DNER: variants seen among roughly 807,000 people sequenced by gnomAD.
DNER encodes the protein delta/notch like EGF repeat containing, also known as delta and Notch-like epidermal growth factor-related receptor.
Under a neutral mutation model 78.2 loss-of-function variants are expected in DNER, and 33 were observed. The observed-to-expected ratio is 0.42, with a 90% CI of 0.32 to 0.56. The LOEUF is 0.56. DNER is among the 20% of genes least tolerant of loss of function. DNER has a pLI of 0.11. For synonymous variants in DNER, 417 were observed against 384.8 expected (o/e 1.08, Z -0.98); for missense variants, 918 against 975.3 (o/e 0.94, Z 0.78).
chr2:229,680,322 A>G (rs1699364651), intron 1 of DNER, among the ~76,000 whole-genome samples: 1 of 152,130 alleles, frequency 6.6e-6, no homozygotes, highest in Admixed American at 6.5e-5. Context: ...ATCAGGGAAA[A>G]AGGTTTCCCT....
intron 8 of DNER, among the ~76,000 whole-genome samples, chr2:229,419,366 G>A (rs4973199): frequency 1 from 152,322 of 152,332 alleles, 76,156 homozygotes; most frequent in Non-Finnish European, 1. Context: ...TGAAAAACAT[G>A]TGAGTGTTTT....
chr2:229,654,327 C>T (rs1208878070), intron 1 of DNER, among the ~76,000 whole-genome samples: 1 of 152,172 alleles, frequency 6.6e-6, no homozygotes, highest in Admixed American at 6.5e-5. Context: ...ATAAATCATG[C>T]TGCTATAAAG....
intron 1 of DNER, among the ~76,000 whole-genome samples, chr2:229,604,432 T>C (rs1448954096): frequency 6.6e-6 from 1 of 152,188 alleles, no homozygotes; most frequent in East Asian, 1.9e-4. Context: ...AGGAAGAGTG[T>C]TCTTCTGTAT....
chr2:229,599,233 AT>A (rs1320125079), intron 1 of DNER, among the ~76,000 whole-genome samples: 1 of 152,220 alleles, frequency 6.6e-6, no homozygotes, highest in Admixed American at 6.5e-5. Flanking sequence ...GAATTTGTGT[AT>A]GGTATTAAGA....
In DNER at chr2:229,518,217, C is replaced by T. The variant is rs536357307; in HGVS notation, c.994-5281G>A. 1.4e-3 allele frequency among the ~76,000 whole-genome samples: 211 copies of T among 152,308 alleles called. 2 individuals are homozygous for T. The highest frequency in any genetic ancestry group is 4.8e-3 in the African/African-American group (200 of 41,572). ...ATCTTTACTCAGCATTATAAAATAA[C>T]TGGCTATTACTGGATAATTTAACTT... On this transcript the variant is annotated intron_variant, in intron 5 of 12. Transcript: ENST00000341772.
intron 8 of DNER, among the ~76,000 whole-genome samples, chr2:229,431,516 T>A (rs1456772219): frequency 6.8e-6 from 1 of 147,802 alleles, no homozygotes; most frequent in Non-Finnish European, 1.5e-5. Context: ...GTCTTATGAC[T>A]TTTTTTTTTA....
chr2:229,373,110 TTAAAC>T (rs1269091957), intron 11 of DNER, among the ~76,000 whole-genome samples: 1 of 152,016 alleles, frequency 6.6e-6, no homozygotes, highest in African/African-American at 2.4e-5. Context: ...TGAGACCTAA[TTAAAC>T]TAAAGAGCAC....
intron 1 of DNER, among the ~76,000 whole-genome samples, chr2:229,686,806 G>T (rs1399458282): frequency 6.6e-6 from 1 of 152,192 alleles, no homozygotes; most frequent in African/African-American, 2.4e-5. Flanking sequence ...GGCTTTAATT[G>T]TAGAAATTCC....
intron 11 of DNER, among the ~76,000 whole-genome samples, chr2:229,384,685 C>T (rs1280866299): frequency 6.6e-6 from 1 of 152,136 alleles, no homozygotes; most frequent in Non-Finnish European, 1.5e-5. Flanking sequence ...TTCCTGGACA[C>T]ATACACCCTC....
intron 7 of DNER, among the ~76,000 whole-genome samples, chr2:229,467,786 C>A (rs1264716733): frequency 1.3e-5 from 2 of 152,102 alleles, no homozygotes; most frequent in African/African-American, 4.8e-5. Context: ...GAGAAGTTAG[C>A]TTTTAATAAA....
chr2:229,628,337 C>A (rs952484395), intron 1 of DNER, among the ~76,000 whole-genome samples: 4 of 152,152 alleles, frequency 2.6e-5, no homozygotes, highest in African/African-American at 7.2e-5. Flanking sequence ...GAGACAAATT[C>A]CTCAACAGAG....
chr2:229,529,760 C>A (rs1696267758), intron 5 of DNER, among the ~76,000 whole-genome samples: 2 of 152,182 alleles, frequency 1.3e-5, no homozygotes, highest in African/African-American at 2.4e-5. Context: ...GTAATCCCAA[C>A]ACTCTGAGAA....
chr2:229,671,439 T>C (rs1441531562), intron 1 of DNER, among the ~76,000 whole-genome samples: 1 of 152,232 alleles, frequency 6.6e-6, no homozygotes, highest in Non-Finnish European at 1.5e-5. Flanking sequence ...TCATCTTCTA[T>C]GTCATCACTT....
chr2:229,452,451 G>A (rs1165076560), intron 7 of DNER, among the ~76,000 whole-genome samples: 1 of 151,994 alleles, frequency 6.6e-6, no homozygotes, highest in South Asian at 2.1e-4. Flanking sequence ...AATACAATAG[G>A]GACTGGCAGG....
At chr2:229,593,681 T>G (rs1697651515) in intron 1 of DNER, among the ~76,000 whole-genome samples, 1 of 152,220 alleles carries the variant, frequency 6.6e-6, no homozygotes, top group South Asian at 2.1e-4. Flanking sequence ...ACTTGTTGAG[T>G]CACAAAGTTG....
At chr2:229,628,141 CA>C (rs1203207807) in intron 1 of DNER, among the ~76,000 whole-genome samples, 1 of 152,120 alleles carries the variant, frequency 6.6e-6, no homozygotes, top group Non-Finnish European at 1.5e-5. Context: ...TGAGGCTATC[CA>C]AAAACCACCA....
chr2:229,404,521 T>C (rs1184236172), intron 10 of DNER, among the ~76,000 whole-genome samples: 2 of 152,174 alleles, frequency 1.3e-5, no homozygotes, highest in Admixed American at 6.5e-5. Flanking sequence ...ATTATGGGGA[T>C]TCCAATTCAA....
chr2:229,410,770 C>T (rs1020984112), intron 9 of DNER, among the ~76,000 whole-genome samples: 3 of 152,164 alleles, frequency 2.0e-5, no homozygotes, highest in Non-Finnish European at 4.4e-5. Context: ...AAGCAGTACA[C>T]CAATTATAAG....
At chr2:229,643,064 G>A (rs1039744349) in intron 1 of DNER, among the ~76,000 whole-genome samples, 3 of 152,058 alleles carry the variant, frequency 2.0e-5, no homozygotes, top group African/African-American at 7.2e-5. Flanking sequence ...AAAGCATACA[G>A]AAATTACCCA....
Sources: gnomAD v4.1 joint callset for allele counts (sites outside exome capture counted in the v4.1 genomes callset) on GRCh38, gnomAD v4.1.1 for gene constraint, MANE v1.5 for transcripts, NCBI Gene and HGNC (gene_info 2026-07-23, HGNC 2026-07-21) for gene names.